ACAD9: variants seen among roughly 807,000 people sequenced by gnomAD.
ACAD9 encodes acyl-CoA dehydrogenase family member 9.
ACAD9 carries 53 observed loss-of-function variants against 70.2 expected under a neutral mutation model. The observed-to-expected ratio is 0.75, with a 90% CI of 0.61 to 0.95. The LOEUF (loss-of-function observed/expected upper bound fraction) is 0.95. ACAD9 is among the 40% of genes least tolerant of loss of function. ACAD9 has a pLI of 0.00. For synonymous variants in ACAD9, 313 were observed against 312.1 expected, an observed-to-expected ratio of 1.00 and a Z score of -0.03; for missense variants, 777 against 802.8, an observed-to-expected ratio of 0.97 and a Z score of 0.39.
At chr3:128,887,644 A>AATAAATAAATATATATATATATATATAT (rs1436892805) in intron 2 of ACAD9, among the ~76,000 whole-genome samples, 1 of 133,106 alleles carries the variant, frequency 7.5e-6, no homozygotes, top group African/African-American at 2.9e-5. Context: ...AAAATAAATA[A>AATAAATAAATATATATATATATATATAT]ATATATATAT....
chr3:128,891,799 C>G (rs972334727), intron 2 of ACAD9, among the ~76,000 whole-genome samples: 1 of 152,092 alleles, frequency 6.6e-6, no homozygotes, highest in African/African-American at 2.4e-5. Flanking sequence ...TCATCTCTGG[C>G]TGCTTTTCAG....
At chr3:128,895,861 C>A (rs1184942281) in intron 4 of ACAD9, among the ~76,000 whole-genome samples, 1 of 152,238 alleles carries the variant, frequency 6.6e-6, no homozygotes, top group Non-Finnish European at 1.5e-5. Flanking sequence ...CAGATTATTT[C>A]TGCTTAATGT....
intron 1 of ACAD9, among the ~76,000 whole-genome samples, chr3:128,884,327 A>T (rs1397998408): frequency 6.6e-6 from 1 of 152,190 alleles, no homozygotes; most frequent in Non-Finnish European, 1.5e-5. Flanking sequence ...GAAATCAAGG[A>T]CCAGACCCCC....
At position 128,910,069 on chromosome 3, in the gene ACAD9, A is replaced by C. The variant is rs745412325; in HGVS notation, c.1612A>C (p.Ile538Leu). The C allele has an allele frequency of 5.9e-5, 95 of 1,613,864 alleles. No homozygotes were observed. The highest frequency in any genetic ancestry group is 7.9e-5 in the Non-Finnish European group (93 of 1,179,876). The change falls in exon 16 of 18, where the codon ATC (isoleucine) becomes CTC (leucine). Residue 538 changes from isoleucine (I) to leucine (L), a missense_variant. Physicochemically the swap from Ile to Leu is conservative, Grantham distance 5. Coordinates refer to ENST00000308982, the MANE Select transcript of ACAD9 (RefSeq NM_014049.5). ...LVLKRVANILINLYGMTAVLS... is the reference protein window; with the variant it reads ...LVLKRVANILLNLYGMTAVLS... ...ACTGAAGCGGGTGGCCAACATCCTC[A>C]TCAACCTGTATGGCATGACGGCCGT...
At chr3:128,907,576 C>G (rs899143692) in intron 12 of ACAD9, among the ~76,000 whole-genome samples, 8 of 152,174 alleles carry the variant, frequency 5.3e-5, no homozygotes, top group African/African-American at 1.9e-4. Context: ...TGATGTCAGC[C>G]TGACTGCAGG....
intron 2 of ACAD9, among the ~76,000 whole-genome samples, 186 bp downstream of exon 2, chr3:128,884,932 C>T (rs944285112): frequency 6.6e-6 from 1 of 152,198 alleles, no homozygotes; most frequent in African/African-American, 2.4e-5. Context: ...AAATGCTTCT[C>T]ATTGTATTTG....
chr3:128,898,128 T>C (rs1171241736), intron 6 of ACAD9, among the ~76,000 whole-genome samples: 1 of 150,754 alleles, frequency 6.6e-6, no homozygotes, highest in Non-Finnish European at 1.5e-5. Flanking sequence ...AAGTGCTGAG[T>C]TTACAGGCAA....
chr3:128,897,680 C>CAAGA lies in ACAD9; in HGVS notation c.605_608dup (p.His204GlufsTer14). ...GGAGCAGAGCCACACTAAGTGAAGA[C>CAAGA]AAGAAGCACTACATCCTCAATGGCT... On this transcript the variant is annotated frameshift_variant, in exon 6 of 18. Transcript: ENST00000308982. LOFTEE classifies it high-confidence loss of function. 1 of 1,613,852 alleles carries CAAGA rather than the reference C, an allele frequency of 6.2e-7. No homozygotes were observed. Among genetic ancestry groups the CAAGA allele is most frequent in the Non-Finnish European group, 8.5e-7 (1 of 1,179,870 alleles).
intron 2 of ACAD9, among the ~76,000 whole-genome samples, chr3:128,887,072 G>A (rs927747208): frequency 3.3e-5 from 5 of 151,942 alleles, no homozygotes; most frequent in South Asian, 2.1e-4. Flanking sequence ...ATTATAGCAC[G>A]CACCGCCACG....
rs1184977852 is a variant in ACAD9 at position 128,902,994 on chromosome 3, C to G, written c.958+366C>G. On this transcript the variant is annotated intron_variant, in intron 9 of 17. Transcript: ENST00000308982. The surrounding 1 kb of genome is among the most constrained non-coding windows in gnomAD (Gnocchi z 4.0). ...CACCAAGAACCAGGCTTCCAGGATA[C>G]ACGGCCTCTGGTTCCCAAGGTCCGT... 6.6e-6 allele frequency among the ~76,000 whole-genome samples: 1 copy of G among 152,154 alleles called. No homozygotes were observed. The highest frequency in any genetic ancestry group is 1.5e-5 in the Non-Finnish European group (1 of 68,010).
chr3:128,908,900 G>C (rs549293415), intron 13 of ACAD9, 73 bp from the exon 14 acceptor site: 1 of 1,611,822 alleles, frequency 6.2e-7, no homozygotes, highest in African/African-American at 1.3e-5. Flanking sequence ...TCTGGGTGCC[G>C]AATGGGCCAT....
chr3:128,912,365 T>TG (rs1386756253), intron 17 of ACAD9, 142 bp from the exon 18 acceptor site: 1 of 713,846 alleles, frequency 1.4e-6, no homozygotes, highest in Non-Finnish European at 2.5e-6. Context: ...AATCACTTGC[T>TG]GGGGGTCTGG....
At chr3:128,900,707 C>A (rs1233988587) in intron 7 of ACAD9, among the ~76,000 whole-genome samples, 1 of 152,092 alleles carries the variant, frequency 6.6e-6, no homozygotes, top group Admixed American at 6.6e-5. Context: ...TGGGTCAGCT[C>A]TTTGTATTGG....
chr3:128,881,274 G>A (rs1043532555), intron 1 of ACAD9, among the ~76,000 whole-genome samples: 4 of 152,172 alleles, frequency 2.6e-5, no homozygotes, highest in African/African-American at 9.7e-5. Context: ...AAAGAACACA[G>A]ATCTTTCAGA....
In ACAD9 at chr3:128,906,107, G is replaced by T; in HGVS notation, c.1150-14G>T. On this transcript the variant is annotated splice_polypyrimidine_tract_variant and intron_variant, in intron 11 of 17. Coordinates refer to ENST00000308982, the MANE Select transcript of ACAD9 (RefSeq NM_014049.5). ...GTCCTCCTTTTGGAAAGGATTCAGT[G>T]TGACACCCCACAGGTGTTCAGCTCC... The T allele has an allele frequency of 6.2e-7, 1 of 1,614,126 alleles. No individual in the cohort carries two copies. Among genetic ancestry groups the T allele is most frequent in the South Asian group, 1.1e-5 (1 of 91,086 alleles).
At chr3:128,906,342 C>T (rs1935892489) in intron 12 of ACAD9, 93 bp downstream of exon 12, 1 of 1,580,622 alleles carries the variant, frequency 6.3e-7, no homozygotes, top group Non-Finnish European at 8.6e-7. Context: ...GCCCCCGCAG[C>T]CCAGGGCTGG....
chr3:128,906,064 C>T, intron 11 of ACAD9, 57 bp from the exon 12 acceptor site: 2 of 1,613,130 alleles, frequency 1.2e-6, no homozygotes, highest in Non-Finnish European at 1.7e-6. Context: ...CCCAGCCACC[C>T]AGCTCCCTGC....
intron 8 of ACAD9, 39 bp downstream of exon 8, chr3:128,901,388 C>A: frequency 6.2e-7 from 1 of 1,608,714 alleles, no homozygotes; most frequent in South Asian, 1.1e-5. Context: ...CAGGTAGTGT[C>A]ATGAGTGCAG....
In ACAD9 at chr3:128,906,175, G is replaced by C. The variant is rs1247540257; in HGVS notation, c.1204G>C (p.Gly402Arg). 1 of 1,614,182 alleles carries C rather than the reference G, an allele frequency of 6.2e-7. No homozygotes were observed. The highest frequency in any genetic ancestry group is 2.2e-5 in the East Asian group (1 of 44,876). ...QCVSEALQIL[G>R]GLGYTRDYPY... ...TGTGAGTGAGGCGCTGCAGATCCTC[G>C]GGGGCTTGGGCTACACAAGGGACTA... The change falls in exon 12 of 18, where the codon GGG (glycine) becomes CGG (arginine). Residue 402 changes from glycine to arginine, a missense_variant. Coordinates refer to ENST00000308982, the MANE Select transcript of ACAD9 (RefSeq NM_014049.5).
Sources: gnomAD v4.1 joint callset for allele counts (sites outside exome capture counted in the v4.1 genomes callset) on GRCh38, gnomAD v4.1.1 for gene constraint, Gnocchi (gnomAD v3.1) non-coding constraint, MANE v1.5 for transcripts, NCBI Gene and HGNC (gene_info 2026-07-23, HGNC 2026-07-21) for gene names.